The following MYH8 variants were observed in gnomAD, a reference collection of about 807,000 sequenced individuals.
MYH8 encodes myosin heavy chain 8.
MYH8 carries 168 observed loss-of-function variants against 233.2 expected under a neutral mutation model. The observed-to-expected ratio is 0.72, with a 90% CI of 0.64 to 0.82. The LOEUF (loss-of-function observed/expected upper bound fraction) is 0.82, where lower values mean the gene tolerates loss of function less well. Ranked by LOEUF, MYH8 falls within the 40% of genes least tolerant of loss-of-function variation. The pLI is 0.00. For missense variants in MYH8, 1,995 were observed against 2,327.8 expected, an observed-to-expected ratio of 0.86 and a Z score of 2.94; for synonymous variants, 785 against 850.6, an observed-to-expected ratio of 0.92 and a Z score of 1.34.
intron 39 of MYH8, among the ~76,000 whole-genome samples, chr17:10,390,951 T>G (rs189916183): frequency 1.3e-4 from 20 of 152,344 alleles, no homozygotes; most frequent in Admixed American, 1.2e-3. Context: ...ATATTTTGAT[T>G]CTAGTATATA....
intron 12 of MYH8, among the ~76,000 whole-genome samples, chr17:10,413,166 A>C (rs1332024505): frequency 3.9e-5 from 6 of 152,238 alleles, no homozygotes; most frequent in African/African-American, 1.4e-4. Context: ...TTTATCTACA[A>C]ATGTGGAGAT....
chr17:10,399,004 A>G, intron 28 of MYH8, 118 bp from the exon 29 acceptor site: 1 of 283,710 alleles, frequency 3.5e-6, no homozygotes, highest in Non-Finnish European at 6.3e-6. Context: ...GTATATATAT[A>G]TATATATATA....
chr17:10,410,741 C>A, intron 15 of MYH8, 36 bp downstream of exon 15: 1 of 1,613,906 alleles, frequency 6.2e-7, no homozygotes, highest in Non-Finnish European at 8.5e-7. Flanking sequence ...GGAAAGTGAT[C>A]CTCACAGTCT....
rs1555555758 is a variant in MYH8, at chr17:10,398,994, G to GTGTATA, written c.3863-109_3863-108insTATACA. On this transcript the variant is annotated intron_variant, in intron 28 of 39. Transcript: ENST00000403437. ...TATATATATGTATATATGTGTGTGT[G>GTGTATA]TATATATATATATATATATATATAC... 8.0e-3 allele frequency: 2,512 copies of GTGTATA among 312,566 alleles called. 63 individuals carry two copies. The highest frequency in any genetic ancestry group is 0.028 in the African/African-American group (1,169 of 42,206). 19.4% of individuals were successfully genotyped at this position (312,566 alleles called of 1,614,324 possible). A position where few individuals can be genotyped will look rare whatever the true frequency, so the allele number is the denominator to read the frequency against.
At chr17:10,403,985 T>A (rs1042973146) in intron 22 of MYH8, among the ~76,000 whole-genome samples, 8 of 152,196 alleles carry the variant, frequency 5.3e-5, no homozygotes, top group African/African-American at 1.7e-4. Flanking sequence ...CTCATAGACT[T>A]GCATTTAGAA....
chr17:10,408,476 C>T (rs1448248145), intron 17 of MYH8, among the ~76,000 whole-genome samples: 1 of 152,084 alleles, frequency 6.6e-6, no homozygotes, highest in Non-Finnish European at 1.5e-5. Flanking sequence ...TGAGACTTAG[C>T]CATACACATT....
chr17:10,404,183 C>G lies in MYH8; in HGVS notation c.2688+147G>C. On this transcript the variant is annotated intron_variant, in intron 22 of 39. Coordinates refer to ENST00000403437, the MANE Select transcript of MYH8 (RefSeq NM_002472.3). ...CTTGGAAATAATTGTGCCTTTTCTT[C>G]CCCATAGAATACTAAAAGATAAATG... is the stretch of plus-strand genomic sequence containing the variant. The G allele has an allele frequency of 3.2e-6, 3 of 951,690 alleles. No homozygotes were observed. The South Asian group carries it at 4.9e-5, about 16-fold the overall frequency. The allele number at this position is 951,690 out of a possible 1,614,324, so 59.0% of individuals were successfully genotyped here.
At chr17:10,420,552 T>C (rs1455015187) in intron 2 of MYH8, among the ~76,000 whole-genome samples, 1 of 152,240 alleles carries the variant, frequency 6.6e-6, no homozygotes, top group African/African-American at 2.4e-5. Context: ...TATTGATGGA[T>C]TGTTTTATAG....
Position 10,400,210 on chromosome 17 carries a change from C to CA in MYH8, c.3735+179dup, listed in dbSNP as rs953553038. The stretch of plus-strand genomic sequence containing the variant: ...AGAGTGAGACTCCATCCCCCCGCTC[C>CA]AAAAAAAAATCATCTTAATCGATCA... On this transcript the variant is annotated intron_variant, in intron 27 of 39. Transcript: ENST00000403437. This position sits in a 1 kb window ranked among gnomAD's most constrained non-coding sequence, Gnocchi z 4.0. 5.2e-4 allele frequency among the ~76,000 whole-genome samples: 77 copies of CA among 149,450 alleles called. No individual in the cohort carries two copies. The highest frequency in any genetic ancestry group is 2.0e-3 in the East Asian group (10 of 5,120).
At chr17:10,402,040 G>A (rs962358163) in intron 22 of MYH8, among the ~76,000 whole-genome samples, 2 of 152,160 alleles carry the variant, frequency 1.3e-5, no homozygotes, top group Admixed American at 6.5e-5. Flanking sequence ...ATAATTTGTA[G>A]AAGAGTGGAA....
intron 12 of MYH8, among the ~76,000 whole-genome samples, 182 bp from the exon 13 acceptor site, chr17:10,412,910 A>G (rs190621991): frequency 4.9e-4 from 75 of 152,300 alleles, no homozygotes; most frequent in Admixed American, 1.5e-3. Context: ...GATTGGTTAT[A>G]CTGATCTTTA....
In MYH8 at chr17:10,399,621, G is replaced by A. The variant is rs140482097; in HGVS notation, c.3784C>T (p.Leu1262Phe). 6.2e-7 allele frequency: 1 copy of A among 1,613,956 alleles called. No individual in the cohort carries two copies. The highest frequency in any genetic ancestry group is 1.3e-5 in the African/African-American group (1 of 74,902). ...TGCTGCTCCTCTTCCTTGGTCTTAA[G>A]CTCACTCACTTGATCTTCTAGAGAG... ...CRSLEDQVSE[L>F]KTKEEEQQRL... The change falls in exon 28 of 40, where the codon CTT becomes TTT. Residue 1262 changes from leucine to phenylalanine, a missense_variant. By Grantham distance (22) the Leu-to-Phe change is conservative. This residue lies in a region of MYH8 where 1,498 missense variants were observed against 1,680.9 expected (regional missense o/e 0.89). Coordinates refer to ENST00000403437, the MANE Select transcript of MYH8 (RefSeq NM_002472.3).
chr17:10,401,247 T>C, intron 24 of MYH8, 28 bp downstream of exon 24: 3 of 1,614,028 alleles, frequency 1.9e-6, no homozygotes, highest in Non-Finnish European at 2.5e-6. Context: ...AAAAAAATCT[T>C]TCAAAGGGAT....
Position 10,401,664 on chromosome 17 carries a change from G to C in MYH8, c.2810C>G (p.Ala937Gly), listed in dbSNP as rs149946448. The C allele has an allele frequency of 6.2e-7, 1 of 1,613,946 alleles. No homozygotes were observed. Among genetic ancestry groups the C allele is most frequent in the African/African-American group, 1.3e-5 (1 of 74,880 alleles). The change falls in exon 23 of 40, where the codon GCT becomes GGT. Residue 937 changes from alanine (A) to glycine (G), a missense_variant. This residue lies in a region of MYH8 where 1,498 missense variants were observed against 1,680.9 expected (regional missense o/e 0.89). Transcript: ENST00000403437. ...ERAEEEEEINAELTAKKRKLE... is the reference protein window; with the variant it reads ...ERAEEEEEINGELTAKKRKLE... ...TTTTCTCTTCTTGGCTGTCAGCTCA[G>C]CATTGATCTCTTCCTCCTCCTCAGC...
At chr17:10,405,243 T>A (rs767835364) in intron 21 of MYH8, among the ~76,000 whole-genome samples, 3 of 152,218 alleles carry the variant, frequency 2.0e-5, no homozygotes, top group Non-Finnish European at 2.9e-5. Context: ...GCATTCAGCA[T>A]CTGTTGAGCT....
chr17:10,415,137 C>T lies in MYH8; in HGVS notation c.784G>A (p.Ala262Thr). The T allele has an allele frequency of 6.2e-7, 1 of 1,613,292 alleles. No individual in the cohort carries two copies. Among genetic ancestry groups the T allele is most frequent in the Non-Finnish European group, 8.5e-7 (1 of 1,179,248 alleles). ...RIHFGTTGKL[A>T]SADIETYLLE... Reference sequence around the variant, plus strand: ...TCACATGTTTCTATATCAGCAGATGCCAGCTTCCCTGTAGTACCAAAGTGG... The same window carrying T: ...TCACATGTTTCTATATCAGCAGATGTCAGCTTCCCTGTAGTACCAAAGTGG... Residue 262 changes from alanine to threonine, a missense_variant, in exon 9 of 40, where the codon GCA (alanine) becomes ACA (threonine). Around this residue, in one of 3 missense-constraint regions of MYH8, gnomAD observed 479 missense variants for 600.9 expected, o/e 0.80. Transcript: ENST00000403437. This position sits in a 1 kb window ranked among gnomAD's most constrained non-coding sequence, Gnocchi z 4.1.
chr17:10,408,508 G>T (rs962488657), intron 17 of MYH8, among the ~76,000 whole-genome samples: 1 of 152,134 alleles, frequency 6.6e-6, no homozygotes, highest in Non-Finnish European at 1.5e-5. Context: ...GCCATTATTA[G>T]TCCATATATA....
At chr17:10,416,151 C>T (rs2072288229) in intron 5 of MYH8, among the ~76,000 whole-genome samples, 1 of 152,186 alleles carries the variant, frequency 6.6e-6, no homozygotes, top group Non-Finnish European at 1.5e-5. Flanking sequence ...ATTCTACTTT[C>T]TGCCTCTGTG....
At chr17:10,399,375 T>C (rs897272077) in intron 28 of MYH8, among the ~76,000 whole-genome samples, 168 bp downstream of exon 28, 18 of 152,234 alleles carry the variant, frequency 1.2e-4, no homozygotes, top group Non-Finnish European at 4.4e-5. Context: ...AGAAGTGTTG[T>C]AAGTAAACTT....
Sources: gnomAD v4.1 joint callset for allele counts (sites outside exome capture counted in the v4.1 genomes callset) on GRCh38, gnomAD v4.1.1 for gene constraint, gnomAD v4.1.1 regional missense constraint, Gnocchi (gnomAD v3.1) non-coding constraint, MANE v1.5 for transcripts, NCBI Gene and HGNC (gene_info 2026-07-23, HGNC 2026-07-21) for gene names.